The following ATP6V1C1 variants were observed in gnomAD, a reference collection of about 807,000 sequenced individuals.
ATP6V1C1 encodes the protein ATPase H+ transporting V1 subunit C1.
Under a neutral mutation model 53.9 loss-of-function variants are expected in ATP6V1C1, and 45 were observed. That is an observed-to-expected ratio of 0.83 (90% CI 0.66 to 1.07). The LOEUF (loss-of-function observed/expected upper bound fraction) is 1.07. Ranked by LOEUF, ATP6V1C1 falls within the 50% of genes least tolerant of loss-of-function variation. The pLI is 0.00. For synonymous variants in ATP6V1C1, 153 were observed against 155.2 expected (o/e 0.99, Z 0.11); for missense variants, 315 against 440.3 (o/e 0.72, Z 2.55).
intron 8 of ATP6V1C1, among the ~76,000 whole-genome samples, chr8:103,061,974 C>T (rs1817406415): frequency 6.6e-6 from 1 of 152,090 alleles, no homozygotes; most frequent in South Asian, 2.1e-4. Flanking sequence ...CAAGGTATTA[C>T]AGATTTAAAT....
At chr8:103,047,130 G>T (rs1256712461) in intron 3 of ATP6V1C1, among the ~76,000 whole-genome samples, 2 of 152,102 alleles carry the variant, frequency 1.3e-5, no homozygotes, top group African/African-American at 4.8e-5. Context: ...GAAGATTTAG[G>T]ACTTACATCA....
chr8:103,043,967 C>G (rs1817049614), intron 3 of ATP6V1C1, among the ~76,000 whole-genome samples: 1 of 152,192 alleles, frequency 6.6e-6, no homozygotes, highest in Non-Finnish European at 1.5e-5. Context: ...TGGCTCACTG[C>G]AGCCTCCGCC....
At chr8:103,057,917 A>G (rs2515200) in intron 8 of ATP6V1C1, among the ~76,000 whole-genome samples, 59,801 of 151,690 alleles carry the variant, frequency 0.39, 12,889 homozygotes, top group Admixed American at 0.5. Flanking sequence ...CTTGATATTG[A>G]TGGCTCACTT....
chr8:103,029,037 AT>A (rs763459462), intron 1 of ATP6V1C1, among the ~76,000 whole-genome samples: 2 of 152,176 alleles, frequency 1.3e-5, no homozygotes, highest in Non-Finnish European at 2.9e-5. Flanking sequence ...TAGGAAAAAA[AT>A]ATACAGAAAG....
chr8:103,035,971 C>G (rs182343147), intron 1 of ATP6V1C1, among the ~76,000 whole-genome samples: 145 of 152,208 alleles, frequency 9.5e-4, no homozygotes, highest in Non-Finnish European at 1.7e-3. Context: ...TGTGATGATC[C>G]TGGACGAAGG....
chr8:103,056,848 C>G (rs1336128896), intron 8 of ATP6V1C1, among the ~76,000 whole-genome samples: 1 of 152,064 alleles, frequency 6.6e-6, no homozygotes, highest in Non-Finnish European at 1.5e-5. Context: ...AAGGTCAGGC[C>G]CATGAAATAT....
At chr8:103,037,521 A>G (rs1014479287) in intron 1 of ATP6V1C1, among the ~76,000 whole-genome samples, 9 of 152,152 alleles carry the variant, frequency 5.9e-5, no homozygotes, top group Admixed American at 3.9e-4. Context: ...AGATATAAAC[A>G]AACTAGTAAG....
At chr8:103,030,108 A>G (rs1337458873) in intron 1 of ATP6V1C1, among the ~76,000 whole-genome samples, 2 of 152,138 alleles carry the variant, frequency 1.3e-5, no homozygotes, top group African/African-American at 4.8e-5. Flanking sequence ...TTAATGGCAC[A>G]TAAGTGAATG....
intron 4 of ATP6V1C1, among the ~76,000 whole-genome samples, chr8:103,050,551 A>G (rs536232544): frequency 6.6e-6 from 1 of 152,294 alleles, no homozygotes; most frequent in East Asian, 1.9e-4. Context: ...TTTTAGCTCT[A>G]CATGTTTTAT....
At chr8:103,057,215 C>T (rs1391496293) in intron 8 of ATP6V1C1, among the ~76,000 whole-genome samples, 2 of 152,174 alleles carry the variant, frequency 1.3e-5, no homozygotes, top group Non-Finnish European at 2.9e-5. Flanking sequence ...ACAAGTTTCC[C>T]ATTGGCCACT....
chr8:103,050,072 T>A (rs896161443), intron 4 of ATP6V1C1, among the ~76,000 whole-genome samples: 1 of 152,238 alleles, frequency 6.6e-6, no homozygotes, highest in Non-Finnish European at 1.5e-5. Flanking sequence ...GAAATCTCAT[T>A]TCTTCTTGCA....
chr8:103,054,658 C>T (rs751838535), intron 7 of ATP6V1C1, among the ~76,000 whole-genome samples: 7 of 152,066 alleles, frequency 4.6e-5, no homozygotes, highest in Non-Finnish European at 8.8e-5. Context: ...AATATTTGAT[C>T]ATAGTTAATC....
At position 103,030,390 on chromosome 8, in the gene ATP6V1C1, G is replaced by A. The variant is rs75948932; in HGVS notation, c.-40+9165G>A. Among the ~76,000 whole-genome samples the A allele has an allele frequency of 2.0e-3, 298 of 152,222 alleles. 3 individuals carry two copies. Among genetic ancestry groups the A allele is most frequent in the Middle Eastern group, 3.4e-3 (1 of 294 alleles). On this transcript the variant is annotated intron_variant, in intron 1 of 12. Transcript: ENST00000518738. Reference sequence around the variant, plus strand: ...AACAATCAGAACAATTAGAAAAACCGAACACTCGTGAATAATACATACAAC... The same window carrying A: ...AACAATCAGAACAATTAGAAAAACCAAACACTCGTGAATAATACATACAAC...
rs1817579102 is a variant in ATP6V1C1, at chr8:103,071,074, G to A, written c.*2327G>A. ...AGATCCACATCATTGTAGAGTCTGAGGGTTAGAAGGAAGTCATTGTGTCTA... is the reference window on the plus strand; with the variant it reads ...AGATCCACATCATTGTAGAGTCTGAAGGTTAGAAGGAAGTCATTGTGTCTA... On this transcript the variant is annotated 3_prime_UTR_variant, in exon 13 of 13. Transcript: ENST00000518738. The A allele has an allele frequency of 6.6e-6, 1 of 152,234 alleles. No individual in the cohort carries two copies. The highest frequency in any genetic ancestry group is 1.5e-5 in the Non-Finnish European group (1 of 68,060). The allele number at this position is 152,234 out of a possible 1,614,324, so 9.4% of individuals were successfully genotyped here. A position where few individuals can be genotyped will look rare whatever the true frequency, so the allele number is the denominator to read the frequency against.
intron 7 of ATP6V1C1, among the ~76,000 whole-genome samples, chr8:103,055,471 GT>G (rs1324160203): frequency 2.0e-5 from 3 of 151,886 alleles, no homozygotes; most frequent in South Asian, 2.1e-4. Context: ...CATAAATATA[GT>G]TTTTTTTCAG....
chr8:103,025,974 A>G (rs983245337), intron 1 of ATP6V1C1, among the ~76,000 whole-genome samples: 2 of 152,244 alleles, frequency 1.3e-5, no homozygotes, highest in African/African-American at 4.8e-5. Context: ...TCACTATTAT[A>G]AATTGCCAGC....
Position 103,040,930 on chromosome 8 carries a change from C to CCAAAG in ATP6V1C1, c.94_95insCAAAG (p.Leu32ProfsTer14). 1 of 1,614,058 alleles carries CCAAAG rather than the reference C, an allele frequency of 6.2e-7. No individual in the cohort carries two copies. Among genetic ancestry groups the CCAAAG allele is most frequent in the Non-Finnish European group, 8.5e-7 (1 of 1,179,960 alleles). ...TGCGGCAACTTCAAAGAACAATAATCTTGCTGTCACTTCCAAGTTCAATAT... is the reference window on the plus strand; with the variant it reads ...TGCGGCAACTTCAAAGAACAATAATCCAAAGTTGCTGTCACTTCCAAGTTCAATAT... On this transcript the variant is annotated frameshift_variant, in exon 2 of 13. Coordinates refer to ENST00000518738, the MANE Select transcript of ATP6V1C1 (RefSeq NM_001695.5). LOFTEE classifies it high-confidence loss of function.
At chr8:103,032,266 G>T (rs1455391542) in intron 1 of ATP6V1C1, among the ~76,000 whole-genome samples, 1 of 152,130 alleles carries the variant, frequency 6.6e-6, no homozygotes, top group Non-Finnish European at 1.5e-5. Context: ...AACATGAAGA[G>T]CTCCTGAACT....
chr8:103,065,968 G>A (rs2131405459), intron 11 of ATP6V1C1, among the ~76,000 whole-genome samples: 1 of 152,014 alleles, frequency 6.6e-6, no homozygotes, highest in East Asian at 1.9e-4. Flanking sequence ...CTTGAACCCA[G>A]GAGGCGGAGA....
Sources: allele counts gnomAD v4.1 joint callset (sites outside exome capture counted in the v4.1 genomes callset), GRCh38; gene constraint gnomAD v4.1.1; transcripts MANE v1.5; gene names NCBI Gene and HGNC (gene_info 2026-07-23, HGNC 2026-07-21).